Variants in COPG1 observed in about 807,000 individuals in gnomAD.
COPG1 encodes coatomer subunit gamma-1.
A neutral mutation model predicts 102.8 loss-of-function variants in COPG1; 29 were observed. The observed-to-expected ratio is 0.28, with a 90% CI of 0.21 to 0.38. The LOEUF is 0.38. Among genes scored for constraint, COPG1 ranks in the 10% least tolerant of loss-of-function variants. COPG1 has a pLI of 1.00. For missense variants in COPG1, 875 were observed against 1,132.7 expected, an observed-to-expected ratio of 0.77 and a Z score of 3.27; for synonymous variants, 406 against 421.6, an observed-to-expected ratio of 0.96 and a Z score of 0.45.
chr3:129,267,852 G>C (rs1210761039), intron 15 of COPG1, 85 bp from the exon 16 acceptor site: 12 of 1,038,754 alleles, frequency 1.2e-5, no homozygotes, highest in Non-Finnish European at 1.6e-5. Context: ...TATCCCTATG[G>C]ACTTACCTCT....
chr3:129,260,431 C>G lies in COPG1; in HGVS notation c.939+31C>G, dbSNP rs765976698. 5 of 1,604,712 alleles carry G rather than the reference C, an allele frequency of 3.1e-6. No individual in the cohort carries two copies. The South Asian group carries it at 4.4e-5, about 14-fold the overall frequency. On this transcript the variant is annotated intron_variant, in intron 11 of 23. Transcript: ENST00000314797. ...AGTCCAGCTTGGGGGTTGGAGGAAG[C>G]TGTCTGATCCAACTGGAGGTGTGTC...
chr3:129,268,459 T>C, intron 16 of COPG1, 36 bp from the exon 17 acceptor site: 1 of 1,609,730 alleles, frequency 6.2e-7, no homozygotes, highest in Non-Finnish European at 8.5e-7. Context: ...CATTTTGCTC[T>C]ATCTGCCAGG....
chr3:129,257,792 A>G lies in COPG1; in HGVS notation c.803A>G (p.Tyr268Cys). ...CGCAACAAGCACGAGATGGTGGTGT[A>G]TGAAGCCGCCTCGGCCATCGTCAAT... Reference protein sequence around the residue: ...CLRNKHEMVVYEAASAIVNLP... With the variant: ...CLRNKHEMVVCEAASAIVNLP... Residue 268 changes from tyrosine (Y) to cysteine (C), a missense_variant, in exon 10 of 24, where the codon TAT (tyrosine) becomes TGT (cysteine). Tyr to Cys is a radical substitution (Grantham distance 194). Coordinates refer to ENST00000314797, the MANE Select transcript of COPG1 (RefSeq NM_016128.4). 1 of 1,614,186 alleles carries G rather than the reference A, an allele frequency of 6.2e-7. No homozygotes were observed. Among genetic ancestry groups the G allele is most frequent in the South Asian group, 1.1e-5 (1 of 91,074 alleles).
rs532058722 is a variant in COPG1 at position 129,271,239 on chromosome 3, C to G, written c.1844-528C>G. Among the ~76,000 whole-genome samples the G allele has an allele frequency of 6.6e-6, 1 of 152,286 alleles. No individual in the cohort carries two copies. Among genetic ancestry groups the G allele is most frequent in the East Asian group, 1.9e-4 (1 of 5,184 alleles). On this transcript the variant is annotated intron_variant, in intron 18 of 23. Coordinates refer to ENST00000314797, the MANE Select transcript of COPG1 (RefSeq NM_016128.4). This position sits in a 1 kb window ranked among gnomAD's most constrained non-coding sequence, Gnocchi z 4.7. ...CTGGGCATAGGGTGTAGGGATAGGTCTTACCAGACACAAACAATTCTAAGT... is the reference window on the plus strand; with the variant it reads ...CTGGGCATAGGGTGTAGGGATAGGTGTTACCAGACACAAACAATTCTAAGT...
At chr3:129,254,525 G>T in intron 5 of COPG1, 143 bp from the exon 6 acceptor site, 2 of 590,524 alleles carry the variant, frequency 3.4e-6, no homozygotes, top group Non-Finnish European at 6.0e-6. Flanking sequence ...GCTGTGTGGA[G>T]TTAGGCTTGG....
intron 3 of COPG1, 121 bp downstream of exon 3, chr3:129,252,482 C>A: frequency 2.0e-6 from 2 of 1,018,190 alleles, no homozygotes; most frequent in Non-Finnish European, 1.5e-6. Context: ...AACAGCTCAG[C>A]TCTGGGTCCC....
chr3:129,251,404 A>G (rs1319608126), intron 2 of COPG1, among the ~76,000 whole-genome samples: 1 of 147,484 alleles, frequency 6.8e-6, no homozygotes, highest in African/African-American at 2.5e-5. Context: ...TTTTTTTAGA[A>G]GGCGTCTCAC....
Position 129,249,668 on chromosome 3 carries a change from G to C in COPG1, c.-42G>C, listed in dbSNP as rs1239756673. The C allele has an allele frequency of 6.5e-7, 1 of 1,549,986 alleles. No individual in the cohort carries two copies. Among genetic ancestry groups the C allele is most frequent in the Non-Finnish European group, 8.7e-7 (1 of 1,146,380 alleles). On this transcript the variant is annotated 5_prime_UTR_variant, in exon 1 of 24. Transcript: ENST00000314797. ...GGCACCGCTACTCCGTGCCGCGCCC[G>C]TCGAGCATTGCGTTGCTGCATTGCG...
chr3:129,249,618 G>A lies in COPG1; in HGVS notation c.-92G>A. 2.1e-6 allele frequency: 3 copies of A among 1,430,030 alleles called. No individual in the cohort carries two copies. Among genetic ancestry groups the A allele is most frequent in the Non-Finnish European group, 2.9e-6 (3 of 1,044,606 alleles). 88.6% of individuals were successfully genotyped at this position (1,430,030 alleles called of 1,614,324 possible). ...GGGCGACGTGGCCAGTCGGGGCCCG[G>A]AAGTGGTCCCTGTAGAACCACTGTG... On this transcript the variant is annotated 5_prime_UTR_variant, in exon 1 of 24. Transcript: ENST00000314797.
chr3:129,251,226 C>T (rs1323223329), intron 2 of COPG1, among the ~76,000 whole-genome samples: 1 of 150,118 alleles, frequency 6.7e-6, no homozygotes, highest in Non-Finnish European at 1.5e-5. Flanking sequence ...CCTGGCCTCT[C>T]TATTTAAACA....
chr3:129,257,140 T>C (rs1374528230), intron 8 of COPG1, among the ~76,000 whole-genome samples: 2 of 152,248 alleles, frequency 1.3e-5, no homozygotes, highest in East Asian at 3.8e-4. Flanking sequence ...TCTCTCATTG[T>C]CTGATTGAAA....
intron 8 of COPG1, 50 bp downstream of exon 8, chr3:129,256,204 A>C: frequency 6.5e-7 from 1 of 1,527,512 alleles, no homozygotes; most frequent in Non-Finnish European, 9.1e-7. Context: ...GCAGGTGGTA[A>C]GGCACTGGCC....
At chr3:129,258,434 T>C (rs764097320) in intron 10 of COPG1, among the ~76,000 whole-genome samples, 8 of 152,178 alleles carry the variant, frequency 5.3e-5, no homozygotes, top group Non-Finnish European at 7.3e-5. Context: ...GAAGGCAACA[T>C]GTTTGTTGTT....
At chr3:129,254,856 G>A in intron 6 of COPG1, 113 bp downstream of exon 6, 1 of 1,203,040 alleles carries the variant, frequency 8.3e-7, no homozygotes, top group African/African-American at 1.5e-5. Context: ...GTGGGGTGGA[G>A]GCAGTGTGCA....
chr3:129,270,518 A>G (rs1940163435), intron 18 of COPG1, among the ~76,000 whole-genome samples: 1 of 152,184 alleles, frequency 6.6e-6, no homozygotes, highest in South Asian at 2.1e-4. Context: ...CCAAGAAAAT[A>G]AATATCAATA....
intron 8 of COPG1, 126 bp downstream of exon 8, chr3:129,256,280 C>T (rs975827066): frequency 1.2e-5 from 9 of 725,208 alleles, no homozygotes; most frequent in African/African-American, 1.1e-4. Flanking sequence ...TTAATCCTTT[C>T]GTCATTGGAT....
chr3:129,269,498 G>A (rs1275021432), intron 18 of COPG1, among the ~76,000 whole-genome samples: 1 of 152,060 alleles, frequency 6.6e-6, no homozygotes, highest in African/African-American at 2.4e-5. Flanking sequence ...TAAAAGCATA[G>A]ACCCCTCTTC....
chr3:129,269,067 G>A, intron 18 of COPG1, 67 bp downstream of exon 18: 7 of 1,366,922 alleles, frequency 5.1e-6, no homozygotes, highest in Non-Finnish European at 7.3e-6. Context: ...TCAAGAGTAA[G>A]AACTGTCATA....
intron 14 of COPG1, 54 bp downstream of exon 14, chr3:129,265,846 T>G: frequency 6.3e-7 from 1 of 1,579,868 alleles, no homozygotes; most frequent in Non-Finnish European, 8.6e-7. Flanking sequence ...TGAATAAATG[T>G]CCCAGCAAAG....
Sources: allele counts gnomAD v4.1 joint callset (sites outside exome capture counted in the v4.1 genomes callset), GRCh38; gene constraint gnomAD v4.1.1; non-coding constraint Gnocchi (gnomAD v3.1); transcripts MANE v1.5; gene names NCBI Gene and HGNC (gene_info 2026-07-23, HGNC 2026-07-21).